MTNAP1: variants seen among roughly 807,000 people sequenced by gnomAD.
MTNAP1 encodes the protein mitochondrial nucleoid-associated protein 1.
the MTNAP1 span, chr17:73,247,158 CACA>C: frequency 1.9e-5 from 24 of 1,266,542 alleles, no homozygotes; most frequent in African/African-American, 1.0e-4. Flanking sequence ...GGCTGTTTCA[CACA>C]ACAACAGCAA....
chr17:73,248,875 T>G, the MTNAP1 span: 1 of 257,158 alleles, frequency 3.9e-6, no homozygotes, highest in Non-Finnish European at 7.5e-6. Context: ...CATTTTATTA[T>G]CAGCAGACTC....
chr17:73,240,905 T>TG, the MTNAP1 span, among the ~76,000 whole-genome samples: 1 of 152,212 alleles, frequency 6.6e-6, no homozygotes, highest in Non-Finnish European at 1.5e-5. Context: ...ACCTTCACCT[T>TG]GCAAGAGAAT....
the MTNAP1 span, chr17:73,243,016 A>G: frequency 6.3e-6 from 10 of 1,596,776 alleles, no homozygotes; most frequent in African/African-American, 6.8e-5. Context: ...AAGTCTTTCT[A>G]TATTTCTAGC....
the MTNAP1 span, among the ~76,000 whole-genome samples, chr17:73,240,924 G>C: frequency 6.6e-6 from 1 of 152,044 alleles, no homozygotes; most frequent in Non-Finnish European, 1.5e-5. Context: ...ATTATCTTCT[G>C]TGCAATTTCT....
At chr17:73,232,449 T>C in the MTNAP1 span, 23 of 932,434 alleles carry the variant, frequency 2.5e-5, no homozygotes, top group Non-Finnish European at 3.5e-5. Flanking sequence ...GGACCTCCCC[T>C]GGGGTGGCAG....
the MTNAP1 span, among the ~76,000 whole-genome samples, chr17:73,238,203 A>G: frequency 6.6e-6 from 1 of 152,022 alleles, no homozygotes; most frequent in Non-Finnish European, 1.5e-5. Flanking sequence ...TTTAGTTATG[A>G]GACCACCTCT....
chr17:73,246,443 G>A, the MTNAP1 span, among the ~76,000 whole-genome samples: 6 of 152,222 alleles, frequency 3.9e-5, no homozygotes, highest in Non-Finnish European at 8.8e-5. Context: ...GGTTGAGGCA[G>A]GAGAATCACT....
the MTNAP1 span, chr17:73,242,164 G>A: frequency 1.3e-5 from 12 of 890,338 alleles, no homozygotes; most frequent in Admixed American, 7.8e-5. Flanking sequence ...AGGCTTAGCC[G>A]TGGATCCTTC....
chr17:73,236,556 G>A, the MTNAP1 span: 9 of 1,614,162 alleles, frequency 5.6e-6, no homozygotes, highest in Middle Eastern at 3.3e-4. Flanking sequence ...TGTTCATTCC[G>A]AGGGAGACGA....
chr17:73,233,164 C>G, the MTNAP1 span: 1 of 152,344 alleles, frequency 6.6e-6, no homozygotes, highest in Non-Finnish European at 1.5e-5. Flanking sequence ...AGTATCGTGC[C>G]GCGTTTACTC....
At chr17:73,235,658 T>A in the MTNAP1 span, 1 of 1,613,936 alleles carries the variant, frequency 6.2e-7, no homozygotes. Flanking sequence ...AAAGGACCAA[T>A]CAAAGATTTA....
At chr17:73,236,264 T>C in the MTNAP1 span, 1 of 1,613,640 alleles carries the variant, frequency 6.2e-7, no homozygotes, top group African/African-American at 1.3e-5. Context: ...CTCTCAGGAG[T>C]CCCTACTGAT....
the MTNAP1 span, chr17:73,232,813 T>G: frequency 0.51 from 78,541 of 152,516 alleles, 20,247 homozygotes; most frequent in East Asian, 0.62. Context: ...GCGGAGAGGG[T>G]AGGGAATCGG....
the MTNAP1 span, chr17:73,236,049 T>C: frequency 4.3e-6 from 7 of 1,614,016 alleles, no homozygotes; most frequent in Non-Finnish European, 5.9e-6. Context: ...ATAGAAAATA[T>C]TCCTCAACTC....
chr17:73,243,092 T>TTTTTGTTTTTTTTTTTG, the MTNAP1 span: 13 of 1,000,972 alleles, frequency 1.3e-5, no homozygotes, highest in African/African-American at 1.2e-4. Context: ...TTTTTTTTTT[T>TTTTTGTTTTTTTTTTTG]TTTTTTTTTA....
At chr17:73,237,039 GCTCT>G in the MTNAP1 span, 4 of 1,482,094 alleles carry the variant, frequency 2.7e-6, no homozygotes, top group African/African-American at 1.4e-5. Context: ...CATCCAAAAT[GCTCT>G]CTCTGCCTTT....
At chr17:73,236,715 A>C in the MTNAP1 span, 16 of 1,614,084 alleles carry the variant, frequency 9.9e-6, no homozygotes, top group East Asian at 3.6e-4. Flanking sequence ...AGGGACAGTT[A>C]TCTCTGGAGC....
At chr17:73,247,553 G>T in the MTNAP1 span, 4 of 506,542 alleles carry the variant, frequency 7.9e-6, no homozygotes, top group Non-Finnish European at 1.4e-5. Flanking sequence ...ATAATGAAAA[G>T]GTTTAACTTA....
At chr17:73,233,646 CT>C in the MTNAP1 span, among the ~76,000 whole-genome samples, 1 of 152,148 alleles carries the variant, frequency 6.6e-6, no homozygotes. Flanking sequence ...GGTGGATCAC[CT>C]GAGGTCAGGA....
Sources: allele counts gnomAD v4.1 joint callset (sites outside exome capture counted in the v4.1 genomes callset), GRCh38; gene constraint gnomAD v4.1.1; transcripts MANE v1.5; gene names NCBI Gene and HGNC (gene_info 2026-07-23, HGNC 2026-07-21).